The following ARG2 variants were observed in gnomAD, a reference collection of about 807,000 sequenced individuals.
ARG2 encodes arginase 2.
A neutral mutation model predicts 39.4 loss-of-function variants in ARG2; 21 were observed. That is an observed-to-expected ratio of 0.53 (90% CI 0.38 to 0.77). ARG2 has a LOEUF of 0.77. Among genes scored for constraint, ARG2 ranks in the 30% least tolerant of loss-of-function variants. The pLI, the probability that ARG2 is intolerant of heterozygous loss-of-function variation, is 0.00. For missense variants in ARG2, 378 were observed against 426.2 expected (o/e 0.89, Z 1.00); for synonymous variants, 150 against 156.7 (o/e 0.96, Z 0.32).
chr14:67,646,159 T>C (rs2037096170), intron 4 of ARG2, among the ~76,000 whole-genome samples: 1 of 152,140 alleles, frequency 6.6e-6, no homozygotes, highest in Non-Finnish European at 1.5e-5. Flanking sequence ...TCAGAATATA[T>C]GGGAGTCCAT....
At chr14:67,633,269 CT>C (rs935952345) in intron 2 of ARG2, among the ~76,000 whole-genome samples, 14 of 151,340 alleles carry the variant, frequency 9.3e-5, no homozygotes, top group East Asian at 1.9e-4. Flanking sequence ...TAGGTTCTCT[CT>C]TTTTTTTTCT....
chr14:67,620,878 T>C lies in ARG2; in HGVS notation c.112-16T>C. ...ACCTTCTCTACCTCTAATTGTGTAA[T>C]TTGTGTGACTGACAGAAAAGAAAAG... On this transcript the variant is annotated splice_polypyrimidine_tract_variant and intron_variant, in intron 1 of 7. Coordinates refer to ENST00000261783, the MANE Select transcript of ARG2 (RefSeq NM_001172.4). The C allele has an allele frequency of 6.2e-7, 1 of 1,614,038 alleles. No individual in the cohort carries two copies. Among genetic ancestry groups the C allele is most frequent in the Non-Finnish European group, 8.5e-7 (1 of 1,179,944 alleles).
At chr14:67,644,329 C>G (rs1157689846) in intron 3 of ARG2, among the ~76,000 whole-genome samples, 1 of 152,152 alleles carries the variant, frequency 6.6e-6, no homozygotes, top group Non-Finnish European at 1.5e-5. Flanking sequence ...TTATCCCTAT[C>G]TCACAGAAAA....
chr14:67,627,176 A>G lies in ARG2; in HGVS notation c.184+6210A>G, dbSNP rs1187976802. Among the ~76,000 whole-genome samples, 9 of 151,860 alleles carry G rather than the reference A, an allele frequency of 5.9e-5. No homozygotes were observed. The South Asian group carries it at 1.0e-3, about 18-fold the overall frequency. The stretch of plus-strand genomic sequence containing the variant: ...AATATATTAGAAAGCACTGAATTAT[A>G]AATTCTAAAAGGATGAATTTTATGG... On this transcript the variant is annotated intron_variant, in intron 2 of 7. Transcript: ENST00000261783.
chr14:67,621,175 G>C (rs777290142), intron 2 of ARG2, among the ~76,000 whole-genome samples: 4 of 152,130 alleles, frequency 2.6e-5, no homozygotes, highest in Non-Finnish European at 5.9e-5. Flanking sequence ...AAGGCAAGGA[G>C]GTAGAGTGAG....
chr14:67,636,667 A>G (rs1188932670), intron 2 of ARG2, among the ~76,000 whole-genome samples: 1 of 152,200 alleles, frequency 6.6e-6, no homozygotes, highest in African/African-American at 2.4e-5. Flanking sequence ...GAGCCTGGAG[A>G]GGTTTATCAA....
At chr14:67,633,923 C>G (rs2140740787) in intron 2 of ARG2, among the ~76,000 whole-genome samples, 1 of 152,268 alleles carries the variant, frequency 6.6e-6, no homozygotes, top group East Asian at 1.9e-4. Flanking sequence ...CTTCCTGGGT[C>G]TCTGTTCCCG....
At chr14:67,645,224 G>C (rs1157867685) in intron 3 of ARG2, among the ~76,000 whole-genome samples, 1 of 151,244 alleles carries the variant, frequency 6.6e-6, no homozygotes, top group African/African-American at 2.4e-5. Flanking sequence ...ATTTTGCCCA[G>C]GCTGGTCTTG....
chr14:67,633,836 T>C (rs895396330), intron 2 of ARG2, among the ~76,000 whole-genome samples: 1 of 152,252 alleles, frequency 6.6e-6, no homozygotes, highest in African/African-American at 2.4e-5. Flanking sequence ...TAAGCATTTC[T>C]TCCTCCTCTC....
chr14:67,627,341 G>A (rs1459069183), intron 2 of ARG2, among the ~76,000 whole-genome samples: 2 of 150,118 alleles, frequency 1.3e-5, no homozygotes, highest in African/African-American at 2.5e-5. Flanking sequence ...TAATTATAGG[G>A]TGTTTACAAC....
chr14:67,647,181 T>C lies in ARG2; in HGVS notation c.722+156T>C, dbSNP rs574863109. On this transcript the variant is annotated intron_variant, in intron 6 of 7. Transcript: ENST00000261783. ...AAGGCAAAATTTGAAACACAGGTCA[T>C]ATTCTTCCTCTGGGGTTTTTGGGAG... 1.5e-4 allele frequency: 82 copies of C among 545,064 alleles called. No homozygotes were observed. The Admixed American group carries it at 2.6e-3, about 17-fold the overall frequency. 33.8% of individuals were successfully genotyped at this position (545,064 alleles called of 1,614,324 possible).
Position 67,619,926 on chromosome 14 carries a change from G to C in ARG2, c.-52G>C. On this transcript the variant is annotated 5_prime_UTR_variant, in exon 1 of 8. Coordinates refer to ENST00000261783, the MANE Select transcript of ARG2 (RefSeq NM_001172.4). ...GCGGCGGGCGGTGGCGCTCACTCCC[G>C]GCTTCCAACCGCGCGGAGCCTCTGC... The C allele has an allele frequency of 7.7e-7, 1 of 1,305,356 alleles. No homozygotes were observed. Among genetic ancestry groups the C allele is most frequent in the Non-Finnish European group, 1.0e-6 (1 of 968,130 alleles). 80.9% of individuals were successfully genotyped at this position (1,305,356 alleles called of 1,614,324 possible).
chr14:67,646,988 A>G lies in ARG2; in HGVS notation c.685A>G (p.Lys229Glu). Residue 229 changes from lysine to glutamate, a missense_variant, in exon 6 of 8, where the codon AAG (lysine) becomes GAG (glutamate). Coordinates refer to ENST00000261783, the MANE Select transcript of ARG2 (RefSeq NM_001172.4). ...MRDIDRLGIQKVMERTFDLLI... is the reference protein window; with the variant it reads ...MRDIDRLGIQEVMERTFDLLI... ...AGATATTGATCGACTTGGTATCCAGAAGGTCATGGAACGAACATTTGATCT... is the reference window on the plus strand; with the variant it reads ...AGATATTGATCGACTTGGTATCCAGGAGGTCATGGAACGAACATTTGATCT... 6.2e-7 allele frequency: 1 copy of G among 1,613,078 alleles called. No homozygotes were observed. Among genetic ancestry groups the G allele is most frequent in the Middle Eastern group, 1.7e-4 (1 of 6,060 alleles).
chr14:67,645,664 T>C lies in ARG2; in HGVS notation c.384T>C (p.Ser128=). 1 of 1,613,864 alleles carries C rather than the reference T, an allele frequency of 6.2e-7. No homozygotes were observed. The highest frequency in any genetic ancestry group is 1.1e-5 in the South Asian group (1 of 91,030). The change falls in exon 4 of 8, where the codon AGT becomes AGC. Residue 128 remains serine (S), a synonymous_variant. Coordinates refer to ENST00000261783, the MANE Select transcript of ARG2 (RefSeq NM_001172.4). ...GDHSLAIGTI[S]GHARHCPDLC... is the part of the protein sequence containing the mutation. ...GCAGCCTGGCAATCGGTACCATTAG[T>C]GGCCATGCCCGACACTGCCCAGACC...
intron 2 of ARG2, among the ~76,000 whole-genome samples, chr14:67,622,640 T>G (rs1476484967): frequency 6.6e-6 from 1 of 152,240 alleles, no homozygotes; most frequent in African/African-American, 2.4e-5. Flanking sequence ...TACTGTCTCT[T>G]AAAATAGCTT....
chr14:67,651,378 T>C lies in ARG2; in HGVS notation c.*458T>C. 2 of 1,613,550 alleles carry C rather than the reference T, an allele frequency of 1.2e-6. No individual in the cohort carries two copies. The highest frequency in any genetic ancestry group is 8.5e-7 in the Non-Finnish European group (1 of 1,179,628). Reference sequence around the variant, plus strand: ...GTTCTGGTCCACAAACCCTTCCCTATAGAAGTTCAATGGCTGCGAAAGAAT... The same window carrying C: ...GTTCTGGTCCACAAACCCTTCCCTACAGAAGTTCAATGGCTGCGAAAGAAT... On this transcript the variant is annotated 3_prime_UTR_variant, in exon 8 of 8. Coordinates refer to ENST00000261783, the MANE Select transcript of ARG2 (RefSeq NM_001172.4).
chr14:67,639,948 A>G (rs898652928), intron 2 of ARG2, among the ~76,000 whole-genome samples: 15 of 150,504 alleles, frequency 1.0e-4, no homozygotes, highest in African/African-American at 3.4e-4. Flanking sequence ...AAAAAAAAAA[A>G]AGTCTGTGCA....
Position 67,651,543 on chromosome 14 carries a change from TTGGGGTTAGACC to T in ARG2, c.*628_*639del. The T allele has an allele frequency of 2.5e-6, 4 of 1,582,242 alleles. No individual in the cohort carries two copies. Among genetic ancestry groups the T allele is most frequent in the Non-Finnish European group, 3.4e-6 (4 of 1,161,814 alleles). ...TTGGATAACCTTCCTTCTAAACATT[TTGGGGTTAGACC>T]TGGGACCACGGCTGGATACTCTGAG... On this transcript the variant is annotated 3_prime_UTR_variant, in exon 8 of 8. Transcript: ENST00000261783.
intron 2 of ARG2, among the ~76,000 whole-genome samples, chr14:67,621,626 G>A (rs111359460): frequency 0.016 from 2,381 of 151,670 alleles, 68 homozygotes; most frequent in African/African-American, 0.054. Context: ...TGTATTTTTA[G>A]TAGACACGGG....
Sources: allele counts gnomAD v4.1 joint callset (sites outside exome capture counted in the v4.1 genomes callset), GRCh38; gene constraint gnomAD v4.1.1; transcripts MANE v1.5; gene names NCBI Gene and HGNC (gene_info 2026-07-23, HGNC 2026-07-21).